ACTN1: variants seen among roughly 807,000 people sequenced by gnomAD.
ACTN1 encodes the protein actinin alpha 1.
In ACTN1, 30 loss-of-function variants were observed where a neutral mutation model predicts 119.6. That is an observed-to-expected ratio of 0.25 (90% CI 0.19 to 0.34). The LOEUF (loss-of-function observed/expected upper bound fraction) is 0.34. ACTN1 is among the 10% of genes least tolerant of loss of function. The pLI is 1.00. For synonymous variants in ACTN1, 429 were observed against 472.6 expected, an observed-to-expected ratio of 0.91 and a Z score of 1.20; for missense variants, 764 against 1,223.4, an observed-to-expected ratio of 0.62 and a Z score of 5.60.
chr14:68,970,932 C>T (rs1459757152), intron 1 of ACTN1, among the ~76,000 whole-genome samples: 2 of 152,200 alleles, frequency 1.3e-5, no homozygotes, highest in Admixed American at 1.3e-4. Flanking sequence ...ACTTTCCCTG[C>T]ATGTAAAATG....
intron 8 of ACTN1, among the ~76,000 whole-genome samples, chr14:68,896,191 C>A (rs149201679): frequency 4.9e-4 from 74 of 152,218 alleles, no homozygotes; most frequent in African/African-American, 1.8e-3. Context: ...TTCCTGAAGT[C>A]CAGATTTGAT....
At position 68,892,286 on chromosome 14, in the gene ACTN1, A is replaced by T; in HGVS notation, c.856-3T>A. Reference sequence around the variant, plus strand: ...GTGCGGCGGATCCACTCCAACAGCTAGGGTGGGAAGGCGGTGGGGGCAGGA... The same window carrying T: ...GTGCGGCGGATCCACTCCAACAGCTTGGGTGGGAAGGCGGTGGGGGCAGGA... On this transcript the variant is annotated splice_polypyrimidine_tract_variant and splice_region_variant and intron_variant, in intron 9 of 21. Transcript: ENST00000394419. 6.2e-7 allele frequency: 1 copy of T among 1,602,822 alleles called. No individual in the cohort carries two copies. The highest frequency in any genetic ancestry group is 8.5e-7 in the Non-Finnish European group (1 of 1,172,642).
intron 1 of ACTN1, among the ~76,000 whole-genome samples, chr14:68,969,175 AAAG>A (rs561010277): frequency 5.9e-5 from 9 of 152,254 alleles, no homozygotes; most frequent in South Asian, 2.1e-4. Context: ...GAAAGAGGAA[AAAG>A]AAGAAGAGAA....
intron 3 of ACTN1, among the ~76,000 whole-genome samples, chr14:68,914,272 T>G (rs1055883686): frequency 6.6e-6 from 1 of 152,198 alleles, no homozygotes; most frequent in African/African-American, 2.4e-5. Flanking sequence ...AAATGCACTT[T>G]CATTTGTTAT....
intron 21 of ACTN1, among the ~76,000 whole-genome samples, chr14:68,876,145 C>T (rs944354012): frequency 2.0e-5 from 3 of 152,082 alleles, no homozygotes; most frequent in African/African-American, 7.2e-5. Context: ...TACAGGTGCA[C>T]GCCACCACGC....
intron 1 of ACTN1, among the ~76,000 whole-genome samples, chr14:68,926,164 T>C (rs4902672): frequency 0.54 from 81,625 of 152,028 alleles, 23,210 homozygotes; most frequent in East Asian, 0.77. Flanking sequence ...TAGTAAGTTT[T>C]GCTGAGAACA....
chr14:68,923,839 A>G (rs573215065), intron 2 of ACTN1, among the ~76,000 whole-genome samples: 44 of 152,328 alleles, frequency 2.9e-4, no homozygotes, highest in African/African-American at 9.4e-4. Context: ...CCCAAAAGGT[A>G]GAAACAACCC....
At chr14:68,977,808 C>CG in intron 1 of ACTN1, 3 of 367,548 alleles carry the variant, frequency 8.2e-6, no homozygotes, top group Admixed American at 3.2e-5. Flanking sequence ...TGTCCCCCCC[C>CG]CACCCAAAAC....
chr14:68,978,653 A>T (rs2140737883), intron 1 of ACTN1: 1 of 294,698 alleles, frequency 3.4e-6, no homozygotes, highest in East Asian at 8.1e-5. Context: ...CCACGCGGGG[A>T]TGGTTGCAAC....
intron 1 of ACTN1, among the ~76,000 whole-genome samples, chr14:68,972,913 A>C (rs1052423146): frequency 6.6e-6 from 1 of 152,230 alleles, no homozygotes; most frequent in Admixed American, 6.5e-5. Context: ...CCATGTGCTC[A>C]AAAAGGGCGA....
chr14:68,960,748 T>TAAAAAAAAAAA (rs11332256), intron 1 of ACTN1, among the ~76,000 whole-genome samples: 1 of 141,632 alleles, frequency 7.1e-6, no homozygotes, highest in Admixed American at 7.0e-5. Flanking sequence ...CTATCTCTAT[T>TAAAAAAAAAAA]AAAAAAAAAA....
intron 1 of ACTN1, among the ~76,000 whole-genome samples, chr14:68,971,782 C>G (rs2036894375): frequency 6.6e-6 from 1 of 152,196 alleles, no homozygotes; most frequent in Admixed American, 6.5e-5. Flanking sequence ...GATCCCCACC[C>G]CAGAAGTAGC....
intron 1 of ACTN1, among the ~76,000 whole-genome samples, chr14:68,941,270 T>C (rs564757609): frequency 2.6e-5 from 4 of 152,346 alleles, no homozygotes; most frequent in African/African-American, 4.8e-5. Flanking sequence ...AACTTGAATA[T>C]GTAAACTTGA....
chr14:68,900,204 T>A (rs61985078), intron 8 of ACTN1, among the ~76,000 whole-genome samples: 20,771 of 152,008 alleles, frequency 0.14, 1,558 homozygotes, highest in African/African-American at 0.18. Flanking sequence ...TTTTACCTCT[T>A]CCCCAAGGGC....
At chr14:68,962,864 T>C (rs535321017) in intron 1 of ACTN1, among the ~76,000 whole-genome samples, 41 of 152,306 alleles carry the variant, frequency 2.7e-4, no homozygotes, top group African/African-American at 9.4e-4. Context: ...CCTCTCAATG[T>C]GTGGAGTCTA....
chr14:68,878,410 G>T lies in ACTN1; in HGVS notation c.2427+48C>A. 1 of 1,521,712 alleles carries T rather than the reference G, an allele frequency of 6.6e-7. No homozygotes were observed. Among genetic ancestry groups the T allele is most frequent in the Non-Finnish European group, 8.8e-7 (1 of 1,136,684 alleles). The allele number at this position is 1,521,712 out of a possible 1,614,324, so 94.3% of individuals were successfully genotyped here. A position where few individuals can be genotyped will look rare whatever the true frequency, so the allele number is the denominator to read the frequency against. On this transcript the variant is annotated intron_variant, in intron 20 of 21. Transcript: ENST00000394419. The surrounding 1 kb of genome is among the most constrained non-coding windows in gnomAD (Gnocchi z 4.4). ...TCCTGGGACTTGGCTGCTCCCGCCA[G>T]CTGGCTGCCTTCTCACCAGGGCAGA...
chr14:68,919,587 G>A (rs2034528954), intron 3 of ACTN1, among the ~76,000 whole-genome samples: 1 of 152,208 alleles, frequency 6.6e-6, no homozygotes, highest in African/African-American at 2.4e-5. Flanking sequence ...GCTAGGAACT[G>A]GGGCCACAGG....
At chr14:68,974,289 A>G (rs2012820) in intron 1 of ACTN1, 47,435 of 152,678 alleles carry the variant, frequency 0.31, 8,782 homozygotes, top group East Asian at 0.89. Flanking sequence ...ACAAATGGAA[A>G]AGAACAATGA....
chr14:68,881,056 GC>G (rs1409067749), intron 16 of ACTN1, 67 bp from the exon 17 acceptor site: 52 of 1,515,254 alleles, frequency 3.4e-5, no homozygotes, highest in Non-Finnish European at 4.6e-5. Flanking sequence ...GGGGACTGGG[GC>G]CTCCAAAATC....
Sources: allele counts gnomAD v4.1 joint callset (sites outside exome capture counted in the v4.1 genomes callset), GRCh38; gene constraint gnomAD v4.1.1; non-coding constraint Gnocchi (gnomAD v3.1); transcripts MANE v1.5; gene names NCBI Gene and HGNC (gene_info 2026-07-23, HGNC 2026-07-21).